Variants in PAG1 observed in about 807,000 individuals in gnomAD.
The protein encoded by PAG1 is phosphoprotein associated with glycosphingolipid-enriched microdomains 1.
A neutral mutation model predicts 31.7 loss-of-function variants in PAG1; 23 were observed. That is an observed-to-expected ratio of 0.73 (90% CI 0.52 to 1.03). The LOEUF (loss-of-function observed/expected upper bound fraction) is 1.03. PAG1 is among the 50% of genes least tolerant of loss of function. The pLI is 0.00. For missense variants in PAG1, 473 were observed against 540.7 expected (o/e 0.87, Z 1.24); for synonymous variants, 214 against 210.3 (o/e 1.02, Z -0.15).
chr8:81,067,004 TA>T lies in PAG1; in HGVS notation c.-175+3107del, dbSNP rs1563649134. Among the ~76,000 whole-genome samples the T allele has an allele frequency of 3.3e-5, 5 of 151,558 alleles. No individual in the cohort carries two copies. In the South Asian group the frequency reaches 6.3e-4, roughly 19 times the overall value. ...GGTGAGACCCCATCTCTACAAAAAA[TA>T]AAAAAAAGTAGCCAGGCATGGTGGC... On this transcript the variant is annotated intron_variant, in intron 2 of 8. Transcript: ENST00000220597.
At chr8:81,078,136 G>A (rs1809207607) in intron 1 of PAG1, among the ~76,000 whole-genome samples, 1 of 152,214 alleles carries the variant, frequency 6.6e-6, no homozygotes, top group African/African-American at 2.4e-5. Context: ...GAGTTTCTGG[G>A]TTTGAAGTAC....
At chr8:80,981,414 G>T (rs773668109) in intron 7 of PAG1, among the ~76,000 whole-genome samples, 3 of 151,806 alleles carry the variant, frequency 2.0e-5, no homozygotes, top group Non-Finnish European at 2.9e-5. Context: ...CCTTAAAGCC[G>T]CTCCGTATCA....
chr8:81,019,324 A>G (rs1210680564), intron 3 of PAG1, among the ~76,000 whole-genome samples: 1 of 152,260 alleles, frequency 6.6e-6, no homozygotes, highest in African/African-American at 2.4e-5. Context: ...ACCAAATGTT[A>G]ATCACCAAGA....
intron 5 of PAG1, among the ~76,000 whole-genome samples, chr8:80,989,913 G>T (rs1479224460): frequency 6.6e-6 from 1 of 152,126 alleles, no homozygotes; most frequent in African/African-American, 2.4e-5. Flanking sequence ...GAGGAATGGC[G>T]GTGGGAGCCC....
chr8:81,021,899 GA>G (rs1350038257), intron 3 of PAG1, among the ~76,000 whole-genome samples: 1 of 152,122 alleles, frequency 6.6e-6, no homozygotes. Flanking sequence ...GCAGAAGAAA[GA>G]AAAAACATTG....
intron 3 of PAG1, among the ~76,000 whole-genome samples, chr8:80,995,350 G>A (rs778430718): frequency 2.0e-5 from 3 of 152,176 alleles, no homozygotes; most frequent in Non-Finnish European, 4.4e-5. Flanking sequence ...CTGTAAACAC[G>A]ACAGGCGTAC....
chr8:81,102,688 T>A (rs757291545), intron 1 of PAG1, among the ~76,000 whole-genome samples: 1 of 152,182 alleles, frequency 6.6e-6, no homozygotes, highest in Non-Finnish European at 1.5e-5. Context: ...GTAGCAAAAT[T>A]AGGTAAATAA....
intron 1 of PAG1, among the ~76,000 whole-genome samples, chr8:81,083,807 G>C (rs921927147): frequency 6.6e-6 from 1 of 152,038 alleles, no homozygotes; most frequent in Non-Finnish European, 1.5e-5. Context: ...GGCTGAGGCG[G>C]GTAGATCACT....
intron 3 of PAG1, among the ~76,000 whole-genome samples, chr8:80,996,982 C>A (rs1046674071): frequency 6.7e-6 from 1 of 149,126 alleles, no homozygotes; most frequent in Admixed American, 6.6e-5. Context: ...CCACCCAAGG[C>A]AGTGCTGTCC....
At chr8:81,060,618 C>T (rs925986266) in intron 2 of PAG1, among the ~76,000 whole-genome samples, 1 of 152,118 alleles carries the variant, frequency 6.6e-6, no homozygotes, top group Non-Finnish European at 1.5e-5. Context: ...GATATATCCC[C>T]CTGCTAATTT....
intron 2 of PAG1, among the ~76,000 whole-genome samples, chr8:81,062,788 C>T (rs902612508): frequency 4.6e-5 from 7 of 152,106 alleles, no homozygotes; most frequent in African/African-American, 1.7e-4. Flanking sequence ...AGGTGATCCT[C>T]CCACCTCGGC....
intron 1 of PAG1, among the ~76,000 whole-genome samples, chr8:81,101,626 T>C (rs1809610879): frequency 6.6e-6 from 1 of 152,178 alleles, no homozygotes; most frequent in East Asian, 1.9e-4. Context: ...ATATTTATAT[T>C]TTGCTCTGTG....
At chr8:81,084,895 A>G (rs1428896274) in intron 1 of PAG1, among the ~76,000 whole-genome samples, 1 of 152,222 alleles carries the variant, frequency 6.6e-6, no homozygotes, top group Admixed American at 6.5e-5. Context: ...ATGGAAATCT[A>G]TGTGAAATAC....
At chr8:81,062,105 C>T (rs1808928667) in intron 2 of PAG1, among the ~76,000 whole-genome samples, 1 of 152,206 alleles carries the variant, frequency 6.6e-6, no homozygotes, top group Non-Finnish European at 1.5e-5. Context: ...GACACTTCAG[C>T]TAACAACACC....
intron 1 of PAG1, among the ~76,000 whole-genome samples, chr8:81,085,182 G>A (rs751068372): frequency 6.6e-6 from 1 of 152,146 alleles, no homozygotes. Flanking sequence ...CGATTCCTCC[G>A]GCTAGACTCT....
At chr8:81,028,403 G>A (rs1279413420) in intron 3 of PAG1, among the ~76,000 whole-genome samples, 2 of 152,190 alleles carry the variant, frequency 1.3e-5, no homozygotes, top group East Asian at 3.8e-4. Context: ...ACCACCAGAT[G>A]ACGTACATAG....
chr8:81,107,184 T>C (rs531613882), intron 1 of PAG1, among the ~76,000 whole-genome samples: 94 of 152,326 alleles, frequency 6.2e-4, no homozygotes, highest in Non-Finnish European at 7.9e-4. Context: ...GTTTTCTTTT[T>C]TGAGCTCATT....
intron 2 of PAG1, among the ~76,000 whole-genome samples, chr8:81,035,696 C>T (rs973953566): frequency 1.3e-5 from 2 of 152,086 alleles, no homozygotes; most frequent in South Asian, 4.1e-4. Flanking sequence ...CTGGCACTGT[C>T]ATTTTCTGGA....
chr8:81,078,452 A>G (rs1809212304), intron 1 of PAG1, among the ~76,000 whole-genome samples: 3 of 151,322 alleles, frequency 2.0e-5, no homozygotes, highest in African/African-American at 7.2e-5. Flanking sequence ...TAGCACACAG[A>G]CTGAATCTGA....
Sources: allele counts gnomAD v4.1 joint callset (sites outside exome capture counted in the v4.1 genomes callset), GRCh38; gene constraint gnomAD v4.1.1; transcripts MANE v1.5; gene names NCBI Gene and HGNC (gene_info 2026-07-23, HGNC 2026-07-21).